LRPPRC: variants seen among roughly 807,000 people sequenced by gnomAD.
LRPPRC encodes leucine-rich PPR motif-containing protein, mitochondrial.
In LRPPRC, 120 loss-of-function variants were observed where a neutral mutation model predicts 180.3. That is an observed-to-expected ratio of 0.67 (90% CI 0.57 to 0.77). LRPPRC has a LOEUF of 0.77. LRPPRC is among the 30% of genes least tolerant of loss of function. The pLI, the probability that LRPPRC is intolerant of heterozygous loss-of-function variation, is 0.00. For missense variants in LRPPRC, 2,012 were observed against 1,657.2 expected, an observed-to-expected ratio of 1.21 and a Z score of -3.72; for synonymous variants, 723 against 600.0, an observed-to-expected ratio of 1.21 and a Z score of -3.00.
At chr2:43,961,307 C>T (rs536939340) in intron 12 of LRPPRC, among the ~76,000 whole-genome samples, 44 of 152,096 alleles carry the variant, frequency 2.9e-4, no homozygotes, top group African/African-American at 1.0e-3. Flanking sequence ...GAAACAGAGA[C>T]TTTTAGGGGG....
chr2:43,972,615 A>C (rs1310236140), intron 11 of LRPPRC, among the ~76,000 whole-genome samples: 1 of 152,210 alleles, frequency 6.6e-6, no homozygotes, highest in African/African-American at 2.4e-5. Context: ...AGTTAATCAA[A>C]CTAGCATATT....
At chr2:43,976,452 A>G (rs927299123) in intron 5 of LRPPRC, among the ~76,000 whole-genome samples, 1 of 152,172 alleles carries the variant, frequency 6.6e-6, no homozygotes, top group Non-Finnish European at 1.5e-5. Flanking sequence ...TACAAATACT[A>G]GATTTTTAAA....
chr2:43,972,342 T>C (rs1342575515), intron 11 of LRPPRC, among the ~76,000 whole-genome samples: 1 of 152,172 alleles, frequency 6.6e-6, no homozygotes, highest in African/African-American at 2.4e-5. Flanking sequence ...GCTACAACCA[T>C]AGAAAGAAAT....
At chr2:43,992,497 A>G (rs1189569260) in intron 1 of LRPPRC, among the ~76,000 whole-genome samples, 3 of 152,200 alleles carry the variant, frequency 2.0e-5, no homozygotes, top group Admixed American at 1.3e-4. Flanking sequence ...CACCTGTGCT[A>G]AAGAGTCTGG....
rs112071935 is a variant in LRPPRC at position 43,948,367 on chromosome 2, A to G, written c.1842+45T>C. The G allele has an allele frequency of 2.1e-5, 25 of 1,171,586 alleles. No homozygotes were observed. The African/African-American group carries it at 3.6e-4, about 17-fold the overall frequency. The allele number at this position is 1,171,586 out of a possible 1,614,324, so 72.6% of individuals were successfully genotyped here. ...CAGCAATTTCAAATCTAATAGATAC[A>G]TGTCAGGCAGGACAGGCATTATATA... is the stretch of plus-strand genomic sequence containing the variant. On this transcript the variant is annotated intron_variant, in intron 17 of 37. Transcript: ENST00000260665.
At position 43,896,673 on chromosome 2, in the gene LRPPRC, C is replaced by A. The variant is rs369430049; in HGVS notation, c.3861G>T (p.Leu1287Phe). ...CGAIAEQTPI[L>F]LLFLLRNSRK... ...TAGAATTCCTAAGGAGGAACAACAA[C>A]AAAATCGGGGTTTGTTCAGCAATTG... The change falls in exon 35 of 38, where the codon TTG (leucine) becomes TTT (phenylalanine). Residue 1287 changes from leucine (L) to phenylalanine (F), a missense_variant. Transcript: ENST00000260665. 1.8e-5 allele frequency: 29 copies of A among 1,612,610 alleles called. No individual in the cohort carries two copies. The highest frequency in any genetic ancestry group is 2.5e-5 in the Non-Finnish European group (29 of 1,178,896).
At position 43,973,627 on chromosome 2, in the gene LRPPRC, C is replaced by T. The variant is rs754172387; in HGVS notation, c.1349G>A (p.Arg450Gln). 17 of 1,613,200 alleles carry T rather than the reference C, an allele frequency of 1.1e-5. No individual in the cohort carries two copies. Among genetic ancestry groups the T allele is most frequent in the East Asian group, 4.5e-5 (2 of 44,864 alleles). Residue 450 changes from arginine to glutamine, a missense_variant, in exon 11 of 38, where the codon CGG becomes CAG. Coordinates refer to ENST00000260665, the MANE Select transcript of LRPPRC (RefSeq NM_133259.4). ...CTAACCTTGAACATTTTTTTCCTTC[C>T]GACGTCCAACTAGCAATGGCCAGAA... ...HYFWPLLVGR[R>Q]KEKNVQGIIE...
chr2:43,990,584 C>T (rs1399520434), intron 1 of LRPPRC, among the ~76,000 whole-genome samples: 1 of 152,200 alleles, frequency 6.6e-6, no homozygotes, highest in Non-Finnish European at 1.5e-5. Flanking sequence ...GCCTCCAAGT[C>T]TCTTCACGCT....
intron 36 of LRPPRC, among the ~76,000 whole-genome samples, chr2:43,890,771 C>G (rs960082268): frequency 7.9e-5 from 12 of 152,188 alleles, no homozygotes; most frequent in Non-Finnish European, 1.8e-4. Flanking sequence ...ACTAGTTTCA[C>G]TTAAGTGAAT....
Position 43,889,775 on chromosome 2 carries a change from G to C in LRPPRC, c.4087C>G (p.Leu1363Val), listed in dbSNP as rs1321850986. 6.2e-7 allele frequency: 1 copy of C among 1,612,678 alleles called. No homozygotes were observed. The highest frequency in any genetic ancestry group is 8.5e-7 in the Non-Finnish European group (1 of 1,178,774). ...DLFLKRYASL[L>V]KYAGEPVPFI... ...GGGACAGGCTCTCCAGCATACTTCA[G>C]CAAAGATGCGTAACGCTTTAGAAAC... The change falls in exon 37 of 38, where the codon CTG (leucine) becomes GTG (valine). Residue 1363 changes from leucine (L) to valine (V), a missense_variant. By Grantham distance (32) the Leu-to-Val change is conservative. Coordinates refer to ENST00000260665, the MANE Select transcript of LRPPRC (RefSeq NM_133259.4).
At chr2:43,889,092 G>A (rs1460483214) in intron 37 of LRPPRC, among the ~76,000 whole-genome samples, 1 of 152,032 alleles carries the variant, frequency 6.6e-6, no homozygotes, top group Non-Finnish European at 1.5e-5. Flanking sequence ...CGAGGTGGGC[G>A]GATCACGAGG....
chr2:43,939,402 C>A (rs758071848), intron 23 of LRPPRC, among the ~76,000 whole-genome samples: 1 of 152,026 alleles, frequency 6.6e-6, no homozygotes, highest in Non-Finnish European at 1.5e-5. Flanking sequence ...AGTGAAGTGG[C>A]AATTTATGTA....
chr2:43,914,740 AAAG>A (rs1185191671), intron 29 of LRPPRC, among the ~76,000 whole-genome samples: 1 of 152,178 alleles, frequency 6.6e-6, no homozygotes, highest in African/African-American at 2.4e-5. Context: ...AAAAAAAAGA[AAAG>A]AAAAGAATTA....
Position 43,905,717 on chromosome 2 carries a change from C to T in LRPPRC, c.3339G>A (p.Thr1113=). 6.2e-7 allele frequency: 1 copy of T among 1,613,664 alleles called. No homozygotes were observed. The highest frequency in any genetic ancestry group is 1.1e-5 in the South Asian group (1 of 91,068). The change falls in exon 31 of 38, where the codon ACG becomes ACA. Residue 1113 remains threonine (T), a synonymous_variant. Transcript: ENST00000260665. ...CTTTCAAATAATCCCGCCTAACTTG[C>T]GTTATGATGAGGCGGCTGTTGGCAG... ...NDAANSRLII[T]QVRRDYLKEA...
In LRPPRC at chr2:43,888,027, C is replaced by T. The variant is rs567493340; in HGVS notation, c.*573G>A. 1 of 154,798 alleles carries T rather than the reference C, an allele frequency of 6.5e-6. No homozygotes were observed. The highest frequency in any genetic ancestry group is 2.0e-4 in the South Asian group (1 of 4,978). The allele number at this position is 154,798 out of a possible 1,614,324, so 9.6% of individuals were successfully genotyped here. On this transcript the variant is annotated 3_prime_UTR_variant, in exon 38 of 38. Coordinates refer to ENST00000260665, the MANE Select transcript of LRPPRC (RefSeq NM_133259.4). ...GGAAGTGTGCCGAAGAGCCTCCAGG[C>T]ATGACAGACAGTCCCCTGACCAAGC...
Position 43,982,443 on chromosome 2 carries a change from T to C in LRPPRC, c.150-9A>G. 6.3e-7 allele frequency: 1 copy of C among 1,597,388 alleles called. No individual in the cohort carries two copies. The highest frequency in any genetic ancestry group is 8.6e-7 in the Non-Finnish European group (1 of 1,165,054). ...CTGGGCTCAGTAGTCCTCTAAAAAA[T>C]GAAACATAATTAATAATAATCAGTT... On this transcript the variant is annotated splice_polypyrimidine_tract_variant and intron_variant, in intron 1 of 37. Coordinates refer to ENST00000260665, the MANE Select transcript of LRPPRC (RefSeq NM_133259.4).
rs1467730705 is a variant in LRPPRC at position 43,976,474 on chromosome 2, C to T, written c.651-245G>A. ...ACTAGATTTTTAAAAATCTGATTAT[C>T]TGATTTGTCTTACACTACTAATTAC... is the stretch of plus-strand genomic sequence containing the variant. On this transcript the variant is annotated intron_variant, in intron 5 of 37. Transcript: ENST00000260665. Among the ~76,000 whole-genome samples the T allele has an allele frequency of 5.3e-5, 8 of 152,160 alleles. No individual in the cohort carries two copies. In the East Asian group the frequency reaches 1.5e-3, roughly 29 times the overall value.
intron 23 of LRPPRC, among the ~76,000 whole-genome samples, chr2:43,935,976 G>A (rs187121453): frequency 2.0e-5 from 3 of 152,100 alleles, no homozygotes; most frequent in Admixed American, 2.0e-4. Flanking sequence ...CCAGCTACTC[G>A]GGGGGCTGAG....
At chr2:43,935,975 C>G (rs1023350791) in intron 23 of LRPPRC, among the ~76,000 whole-genome samples, 3 of 151,866 alleles carry the variant, frequency 2.0e-5, no homozygotes, top group Non-Finnish European at 4.4e-5. Context: ...CCCAGCTACT[C>G]GGGGGGCTGA....
Sources: allele counts gnomAD v4.1 joint callset (sites outside exome capture counted in the v4.1 genomes callset), GRCh38; gene constraint gnomAD v4.1.1; transcripts MANE v1.5; gene names NCBI Gene and HGNC (gene_info 2026-07-23, HGNC 2026-07-21).